PCCA: variants seen among roughly 807,000 people sequenced by gnomAD.
The protein encoded by PCCA is propionyl-CoA carboxylase subunit alpha.
A neutral mutation model predicts 101.3 loss-of-function variants in PCCA; 74 were observed. That is an observed-to-expected ratio of 0.73 (90% CI 0.61 to 0.89). PCCA has a LOEUF of 0.89. PCCA is among the 40% of genes least tolerant of loss of function. The pLI is 0.00. For synonymous variants in PCCA, 294 were observed against 313.6 expected (o/e 0.94, Z 0.66); for missense variants, 891 against 907.0 (o/e 0.98, Z 0.23).
chr13:100,419,095 C>T (rs1441159117), intron 19 of PCCA, among the ~76,000 whole-genome samples: 1 of 151,912 alleles, frequency 6.6e-6, no homozygotes, highest in Non-Finnish European at 1.5e-5. Context: ...CCTACTCACC[C>T]TTCCAGTCTT....
At chr13:100,444,419 G>A (rs750418307) in intron 20 of PCCA, among the ~76,000 whole-genome samples, 1 of 122,696 alleles carries the variant, frequency 8.2e-6, no homozygotes, top group Non-Finnish European at 1.6e-5. Flanking sequence ...GGCCAGGCTG[G>A]TTTTGAACAA....
At chr13:100,116,778 A>G (rs1258646282) in intron 4 of PCCA, among the ~76,000 whole-genome samples, 1 of 152,176 alleles carries the variant, frequency 6.6e-6, no homozygotes, top group Non-Finnish European at 1.5e-5. Flanking sequence ...TTGAAAGTAA[A>G]TACATTTTTG....
intron 19 of PCCA, among the ~76,000 whole-genome samples, chr13:100,424,667 AC>A (rs1278546930): frequency 1.3e-5 from 2 of 151,830 alleles, no homozygotes; most frequent in Admixed American, 1.3e-4. Context: ...GTCCACTGCC[AC>A]CCCCGCCCTA....
intron 20 of PCCA, among the ~76,000 whole-genome samples, chr13:100,426,954 G>A (rs1049019766): frequency 5.9e-5 from 9 of 152,140 alleles, no homozygotes; most frequent in African/African-American, 1.9e-4. Flanking sequence ...GGTGGCTCAC[G>A]CCTGTAATCC....
At chr13:100,440,045 A>G (rs1047541416) in intron 20 of PCCA, among the ~76,000 whole-genome samples, 2 of 151,194 alleles carry the variant, frequency 1.3e-5, no homozygotes, top group African/African-American at 4.9e-5. Flanking sequence ...AGTGGAACTA[A>G]TTTTCTATGT....
intron 6 of PCCA, among the ~76,000 whole-genome samples, chr13:100,163,673 T>C (rs1409446337): frequency 1.3e-5 from 2 of 152,216 alleles, no homozygotes; most frequent in African/African-American, 2.4e-5. Flanking sequence ...ATTTGTAGTA[T>C]AGTCACAGAG....
chr13:100,313,004 A>G (rs2067045729), intron 16 of PCCA, among the ~76,000 whole-genome samples: 1 of 152,218 alleles, frequency 6.6e-6, no homozygotes, highest in Non-Finnish European at 1.5e-5. Context: ...ATCTATAGAA[A>G]AGATGAATGA....
Position 100,435,531 on chromosome 13 carries a change from T to G in PCCA, c.1845+9800T>G, listed in dbSNP as rs1458466931. ...GATTCATCCAGTCCGATCACGTGTATTCATGTTCCTGGTTTTCATTGGTAA... is the reference window on the plus strand; with the variant it reads ...GATTCATCCAGTCCGATCACGTGTAGTCATGTTCCTGGTTTTCATTGGTAA... On this transcript the variant is annotated intron_variant, in intron 20 of 23. Transcript: ENST00000376285. 2.6e-5 allele frequency among the ~76,000 whole-genome samples: 4 copies of G among 152,220 alleles called. No homozygotes were observed. The East Asian group carries it at 7.7e-4, about 29-fold the overall frequency.
chr13:100,354,995 A>G (rs1483497651), intron 18 of PCCA, among the ~76,000 whole-genome samples: 1 of 152,214 alleles, frequency 6.6e-6, no homozygotes, highest in African/African-American at 2.4e-5. Context: ...AAAACCAGAT[A>G]AAGTCATTGC....
intron 4 of PCCA, among the ~76,000 whole-genome samples, chr13:100,122,171 G>A (rs1036522955): frequency 1.3e-5 from 2 of 152,136 alleles, no homozygotes; most frequent in African/African-American, 4.8e-5. Context: ...TTTTTTGGGT[G>A]TTAAACCAGC....
intron 1 of PCCA, among the ~76,000 whole-genome samples, chr13:100,093,964 C>G (rs1328927441): frequency 6.6e-6 from 1 of 151,984 alleles, no homozygotes; most frequent in Non-Finnish European, 1.5e-5. Flanking sequence ...CACGATGGCT[C>G]ATGCCTGTAA....
chr13:100,229,816 T>C (rs2060359201), intron 7 of PCCA, among the ~76,000 whole-genome samples: 2 of 152,208 alleles, frequency 1.3e-5, no homozygotes, highest in African/African-American at 4.8e-5. Context: ...AAAGTAAACA[T>C]GGCCTTGCTG....
At chr13:100,367,448 T>C (rs149268471) in intron 18 of PCCA, among the ~76,000 whole-genome samples, 111 of 152,208 alleles carry the variant, frequency 7.3e-4, no homozygotes, top group African/African-American at 2.6e-3. Flanking sequence ...AAGTGCTTAG[T>C]GTTTGTTGAA....
chr13:100,309,684 A>G (rs1398770825), intron 15 of PCCA, 149 bp from the exon 16 acceptor site: 11 of 547,730 alleles, frequency 2.0e-5, no homozygotes, highest in Non-Finnish European at 3.2e-5. Context: ...AAAAATCATA[A>G]TTGACATGTA....
At position 100,102,393 on chromosome 13, in the gene PCCA, T is replaced by C. The variant is rs374303103; in HGVS notation, c.106-490T>C. Among the ~76,000 whole-genome samples the C allele has an allele frequency of 2.0e-5, 3 of 152,356 alleles. No homozygotes were observed. The East Asian group carries it at 5.8e-4, about 29-fold the overall frequency. ...TGAGAAATATCCTTGATTACTGATA[T>C]TGCTTTTTCATATTTATCAGCCAAA... On this transcript the variant is annotated intron_variant, in intron 1 of 23. Transcript: ENST00000376285.
chr13:100,488,049 T>A (rs553385862), intron 21 of PCCA, among the ~76,000 whole-genome samples: 7 of 151,566 alleles, frequency 4.6e-5, no homozygotes, highest in South Asian at 2.1e-4. Context: ...ATATATATAT[T>A]TTTTAATGAA....
intron 19 of PCCA, among the ~76,000 whole-genome samples, chr13:100,416,151 T>C (rs576751526): frequency 6.6e-6 from 1 of 152,148 alleles, no homozygotes; most frequent in South Asian, 2.1e-4. Flanking sequence ...GATTATGACA[T>C]GTGGGGAGAT....
chr13:100,286,229 G>A (rs2152642984), intron 12 of PCCA, among the ~76,000 whole-genome samples: 1 of 152,184 alleles, frequency 6.6e-6, no homozygotes, highest in Admixed American at 6.5e-5. Flanking sequence ...CTTTTTAATT[G>A]TCAGCAAGGC....
chr13:100,475,328 T>A (rs1341474226), intron 21 of PCCA, among the ~76,000 whole-genome samples: 1 of 152,146 alleles, frequency 6.6e-6, no homozygotes, highest in African/African-American at 2.4e-5. Context: ...TCCTCACCCC[T>A]TCCACCCCTC....
Sources: gnomAD v4.1 joint callset for allele counts (sites outside exome capture counted in the v4.1 genomes callset) on GRCh38, gnomAD v4.1.1 for gene constraint, MANE v1.5 for transcripts, NCBI Gene and HGNC (gene_info 2026-07-23, HGNC 2026-07-21) for gene names.